The following DGKB variants were observed in gnomAD, a reference collection of about 807,000 sequenced individuals.
The protein encoded by DGKB is 90 kDa diacylglycerol kinase.
Under a neutral mutation model 114.3 loss-of-function variants are expected in DGKB, and 67 were observed. The ratio of observed to expected loss-of-function variants is 0.59; its 90% CI spans 0.48 to 0.72. DGKB has a LOEUF of 0.72. Ranked by LOEUF, DGKB falls within the 30% of genes least tolerant of loss-of-function variation. DGKB has a pLI of 0.00. For synonymous variants in DGKB, 398 were observed against 323.1 expected (o/e 1.23, Z -2.49); for missense variants, 907 against 975.2 (o/e 0.93, Z 0.93).
At chr7:14,365,731 A>C (rs974082058) in intron 21 of DGKB, among the ~76,000 whole-genome samples, 2 of 152,036 alleles carry the variant, frequency 1.3e-5, no homozygotes, top group Admixed American at 1.3e-4. Flanking sequence ...TGAATGCAGA[A>C]ATCTTAGTCA....
At chr7:14,773,861 C>A (rs1471419213) in intron 2 of DGKB, among the ~76,000 whole-genome samples, 1 of 152,130 alleles carries the variant, frequency 6.6e-6, no homozygotes, top group African/African-American at 2.4e-5. Flanking sequence ...TAGTGCTAAA[C>A]AGTTACATTT....
intron 3 of DGKB, among the ~76,000 whole-genome samples, chr7:14,757,127 G>A (rs565490488): frequency 6.6e-6 from 1 of 152,066 alleles, no homozygotes; most frequent in East Asian, 1.9e-4. Context: ...GTTCCTTAAG[G>A]TGACGGACCA....
intron 1 of DGKB, among the ~76,000 whole-genome samples, chr7:14,950,379 C>T (rs904052077): frequency 1.3e-5 from 2 of 151,676 alleles, no homozygotes; most frequent in Non-Finnish European, 2.9e-5. Flanking sequence ...TAAAGCTTCA[C>T]CAGCCAGAAG....
At chr7:14,495,632 G>C (rs926768260) in intron 20 of DGKB, among the ~76,000 whole-genome samples, 1 of 151,604 alleles carries the variant, frequency 6.6e-6, no homozygotes, top group South Asian at 2.1e-4. Context: ...TCACATATAA[G>C]GAGTCAGAAC....
rs369095658 is a variant in DGKB, at chr7:14,343,029, AT to A, written c.1926+2271del. Reference sequence around the variant, plus strand: ...AGGAAGCAACAACAAACAGAATCAAATTTTCGAATTTCTGTTTTTGTTATAT... The same window carrying A: ...AGGAAGCAACAACAAACAGAATCAAATTTCGAATTTCTGTTTTTGTTATAT... On this transcript the variant is annotated intron_variant, in intron 22 of 25. Transcript: ENST00000402815. Among the ~76,000 whole-genome samples the A allele has an allele frequency of 7.2e-3, 1,096 of 151,878 alleles. 12 individuals are homozygous for A. Among genetic ancestry groups the A allele is most frequent in the African/African-American group, 0.025 (1,040 of 41,464 alleles).
intron 23 of DGKB, among the ~76,000 whole-genome samples, chr7:14,265,233 C>T (rs1336526491): frequency 6.7e-6 from 1 of 148,834 alleles, no homozygotes; most frequent in Non-Finnish European, 1.5e-5. Context: ...CAGAGGGCTT[C>T]AGGGTTTGGC....
intron 2 of DGKB, among the ~76,000 whole-genome samples, chr7:14,809,337 A>G (rs1443648759): frequency 6.6e-6 from 1 of 152,108 alleles, no homozygotes; most frequent in Non-Finnish European, 1.5e-5. Context: ...ATTTCAGGTC[A>G]AATATGAATA....
At chr7:14,176,254 T>A in intron 25 of DGKB, 13 of 847,314 alleles carry the variant, frequency 1.5e-5, no homozygotes, top group Non-Finnish European at 1.8e-5. Context: ...TCCTAGCATG[T>A]TTTTGAAATG....
intron 23 of DGKB, among the ~76,000 whole-genome samples, chr7:14,291,140 C>G (rs1267245998): frequency 7.2e-5 from 3 of 41,548 alleles, no homozygotes; most frequent in Non-Finnish European, 1.2e-4. Context: ...AAAACTCCGT[C>G]TCAAAAAAAA....
intron 20 of DGKB, among the ~76,000 whole-genome samples, chr7:14,525,869 GAAGTA>G (rs5882448): frequency 0.4 from 61,202 of 151,502 alleles, 13,212 homozygotes; most frequent in East Asian, 0.72. Flanking sequence ...GTTAAATTGT[GAAGTA>G]AAGGAACAAT....
At chr7:14,487,987 G>C (rs1015547681) in intron 20 of DGKB, among the ~76,000 whole-genome samples, 10 of 152,032 alleles carry the variant, frequency 6.6e-5, no homozygotes, top group African/African-American at 1.7e-4. Context: ...AAAAACTTAT[G>C]AACATTGTAA....
chr7:14,191,913 C>G, intron 23 of DGKB: 1 of 605,500 alleles, frequency 1.7e-6, no homozygotes. Flanking sequence ...GATTGCCAGT[C>G]TGGTAAAAAG....
chr7:14,639,072 A>T (rs1357447114), intron 13 of DGKB, among the ~76,000 whole-genome samples: 1 of 151,822 alleles, frequency 6.6e-6, no homozygotes, highest in Non-Finnish European at 1.5e-5. Context: ...TATTAAATTA[A>T]AAAAAACACG....
chr7:14,872,278 A>T (rs576935814), intron 1 of DGKB, among the ~76,000 whole-genome samples: 7 of 152,304 alleles, frequency 4.6e-5, no homozygotes, highest in African/African-American at 1.7e-4. Context: ...AACATACGCT[A>T]TACCTGCTAC....
chr7:14,252,870 T>G (rs10280363), intron 23 of DGKB, among the ~76,000 whole-genome samples: 1 of 152,048 alleles, frequency 6.6e-6, no homozygotes, highest in African/African-American at 2.4e-5. Context: ...TTGTGCTATA[T>G]GGGCTTGGAC....
rs1174208331 is a variant in DGKB, at chr7:14,496,946, G to A, written c.1771-18721C>T. ...TCTATATTGAAGGAGGTGGGGAAGT[G>A]GTAAGAAAAGTGCACATCTTTAAAA... On this transcript the variant is annotated intron_variant, in intron 20 of 25. Coordinates refer to ENST00000402815, the MANE Select transcript of DGKB (RefSeq NM_001350709.2). Among the ~76,000 whole-genome samples the A allele has an allele frequency of 2.0e-5, 3 of 151,716 alleles. No individual in the cohort carries two copies. The East Asian group carries it at 5.8e-4, about 29-fold the overall frequency.
chr7:14,850,752 T>C (rs577732451), intron 1 of DGKB, among the ~76,000 whole-genome samples: 1 of 152,320 alleles, frequency 6.6e-6, no homozygotes, highest in South Asian at 2.1e-4. Context: ...AAAAGCCAAT[T>C]GCATATTACT....
intron 1 of DGKB, among the ~76,000 whole-genome samples, chr7:14,854,599 G>A (rs972329447): frequency 6.6e-6 from 1 of 152,116 alleles, no homozygotes; most frequent in African/African-American, 2.4e-5. Context: ...AGAATCTAAT[G>A]CGGCTGCTGA....
chr7:14,332,541 C>A (rs1356747187), intron 23 of DGKB, among the ~76,000 whole-genome samples: 2 of 152,180 alleles, frequency 1.3e-5, no homozygotes, highest in Non-Finnish European at 2.9e-5. Context: ...ATCTAAGTAT[C>A]TTCTAAATTA....
Sources: allele counts gnomAD v4.1 joint callset (sites outside exome capture counted in the v4.1 genomes callset), GRCh38; gene constraint gnomAD v4.1.1; transcripts MANE v1.5; gene names NCBI Gene and HGNC (gene_info 2026-07-23, HGNC 2026-07-21).